ABCC4: variants seen among roughly 807,000 people sequenced by gnomAD.
The protein encoded by ABCC4 is ATP binding cassette subfamily C member 4 (PEL blood group), also known as ATP-binding cassette sub-family C member 4.
Under a neutral mutation model 168.5 loss-of-function variants are expected in ABCC4, and 102 were observed. The observed-to-expected ratio is 0.61, with a 90% CI of 0.52 to 0.71. The LOEUF is 0.71. Ranked by LOEUF, ABCC4 falls within the 30% of genes least tolerant of loss-of-function variation. The pLI is 0.00. For missense variants in ABCC4, 1,402 were observed against 1,605.8 expected, an observed-to-expected ratio of 0.87 and a Z score of 2.17; for synonymous variants, 617 against 590.7, an observed-to-expected ratio of 1.04 and a Z score of -0.65.
chr13:95,170,757 A>C (rs756461682), intron 13 of ABCC4, 129 bp from the exon 14 acceptor site: 10 of 545,450 alleles, frequency 1.8e-5, no homozygotes, highest in Non-Finnish European at 2.8e-5. Flanking sequence ...ATACAAACTA[A>C]ATACAAATAT....
chr13:95,082,418 G>C (rs990329756), intron 21 of ABCC4, among the ~76,000 whole-genome samples: 1 of 152,126 alleles, frequency 6.6e-6, no homozygotes, highest in Admixed American at 6.6e-5. Context: ...AAATTGAAGA[G>C]AGCAACAGAC....
chr13:95,226,880 G>A (rs1411724273), intron 4 of ABCC4, among the ~76,000 whole-genome samples: 3 of 152,190 alleles, frequency 2.0e-5, no homozygotes, highest in East Asian at 3.8e-4. Flanking sequence ...CAACCCATAT[G>A]CTATCTCTGT....
intron 20 of ABCC4, among the ~76,000 whole-genome samples, chr13:95,114,545 G>T (rs2035308061): frequency 1.3e-5 from 2 of 151,982 alleles, no homozygotes; most frequent in Non-Finnish European, 2.9e-5. Context: ...CTAAACCCAG[G>T]AGGGCACATT....
chr13:95,062,005 GA>G (rs1421168716), intron 26 of ABCC4, among the ~76,000 whole-genome samples: 3 of 152,146 alleles, frequency 2.0e-5, no homozygotes, highest in Non-Finnish European at 4.4e-5. Context: ...AAAGAAAATA[GA>G]ATCAGAGTCC....
chr13:95,075,095 C>A (rs1189468), intron 22 of ABCC4: 128,099 of 236,638 alleles, frequency 0.54, 36,766 homozygotes, highest in South Asian at 0.73. Flanking sequence ...AAAGGTGATT[C>A]ATCACAACAG....
At chr13:95,022,372 T>C (rs1011020014) in intron 30 of ABCC4, among the ~76,000 whole-genome samples, 2 of 152,186 alleles carry the variant, frequency 1.3e-5, no homozygotes, top group African/African-American at 4.8e-5. Context: ...AATTTCTAGC[T>C]GAACTAGAAG....
chr13:95,021,603 G>T lies in ABCC4; in HGVS notation c.3950C>A (p.Thr1317Asn). The change falls in exon 31 of 31, where the codon ACC becomes AAC. Residue 1317 changes from threonine to asparagine, a missense_variant. By Grantham distance (65) the Thr-to-Asn change is moderately conservative. This residue lies in a region of ABCC4 where 1,007 missense variants were observed against 1,127.3 expected (regional missense o/e 0.89). Transcript: ENST00000645237. ...VTNTSNGQPS[T>N]LTIFETAL ...CAGTGCTGTCTCGAAAATAGTTAAG[G>T]TCGAGGGCTGTCCATTGGAAGTGTT... 6.2e-7 allele frequency: 1 copy of T among 1,612,652 alleles called. No homozygotes were observed. The highest frequency in any genetic ancestry group is 8.5e-7 in the Non-Finnish European group (1 of 1,178,716).
chr13:95,037,812 A>T (rs1484945643), intron 29 of ABCC4, among the ~76,000 whole-genome samples: 2 of 152,090 alleles, frequency 1.3e-5, no homozygotes, highest in Non-Finnish European at 2.9e-5. Flanking sequence ...TACACCCAGG[A>T]CTCAAAATTA....
At chr13:95,033,052 C>T (rs1157806950) in intron 30 of ABCC4, among the ~76,000 whole-genome samples, 2 of 149,768 alleles carry the variant, frequency 1.3e-5, no homozygotes, top group African/African-American at 2.5e-5. Context: ...TCACTGCAAC[C>T]TCCACCTCCC....
Position 95,167,218 on chromosome 13 carries a change from A to ATAAT in ABCC4, c.1825-855_1825-852dup, listed in dbSNP as rs1223403835. Among the ~76,000 whole-genome samples, 15 of 150,260 alleles carry ATAAT rather than the reference A, an allele frequency of 1.0e-4. No individual in the cohort carries two copies. The South Asian group carries it at 2.3e-3, about 23-fold the overall frequency. ...AATAAATAAATAAATAAATAAATAA[A>ATAAT]TAATTGCCCCAAAGACTCAGGGAGT... On this transcript the variant is annotated intron_variant, in intron 14 of 30. Transcript: ENST00000645237.
chr13:95,082,626 T>C (rs1418101349), intron 21 of ABCC4, among the ~76,000 whole-genome samples: 1 of 152,220 alleles, frequency 6.6e-6, no homozygotes, highest in Non-Finnish European at 1.5e-5. Flanking sequence ...CTAGCCATTT[T>C]GTGAGTTTGC....
chr13:95,077,488 C>G (rs891008937), intron 21 of ABCC4, among the ~76,000 whole-genome samples: 1 of 152,078 alleles, frequency 6.6e-6, no homozygotes, highest in Non-Finnish European at 1.5e-5. Flanking sequence ...ACAGGTGTGC[C>G]ACCACACTCA....
At chr13:95,023,162 T>A (rs1315729603) in intron 30 of ABCC4, among the ~76,000 whole-genome samples, 1 of 152,208 alleles carries the variant, frequency 6.6e-6, no homozygotes, top group Admixed American at 6.5e-5. Flanking sequence ...TTCTACTGCT[T>A]GATAGCCTTC....
chr13:95,272,436 C>T (rs1310969837), intron 1 of ABCC4, among the ~76,000 whole-genome samples: 1 of 152,150 alleles, frequency 6.6e-6, no homozygotes, highest in Non-Finnish European at 1.5e-5. Flanking sequence ...AAACCTTTCA[C>T]AGACAGAGAA....
intron 19 of ABCC4, among the ~76,000 whole-genome samples, chr13:95,116,299 C>A (rs1380647051): frequency 6.6e-6 from 1 of 152,032 alleles, no homozygotes; most frequent in Non-Finnish European, 1.5e-5. Context: ...TAGAATGTTC[C>A]CTCCTTTTAA....
intron 20 of ABCC4, among the ~76,000 whole-genome samples, chr13:95,110,450 A>T (rs1186143197): frequency 1.3e-5 from 2 of 152,188 alleles, no homozygotes; most frequent in East Asian, 3.8e-4. Context: ...TATAGTCACA[A>T]AACACCATAT....
At chr13:95,250,029 CA>C (rs1566568697) in intron 1 of ABCC4, among the ~76,000 whole-genome samples, 2 of 152,182 alleles carry the variant, frequency 1.3e-5, no homozygotes, top group African/African-American at 4.8e-5. Context: ...GCCCAGATCT[CA>C]AAAAGCTGGG....
chr13:95,156,327 C>T (rs184980966), intron 19 of ABCC4, among the ~76,000 whole-genome samples: 1 of 152,194 alleles, frequency 6.6e-6, no homozygotes, highest in Non-Finnish European at 1.5e-5. Context: ...TCCAAGAAAG[C>T]TTTAAATTAA....
intron 1 of ABCC4, among the ~76,000 whole-genome samples, chr13:95,250,762 T>C (rs2040233551): frequency 4.5e-5 from 1 of 22,028 alleles, no homozygotes; most frequent in African/African-American, 1.5e-4. Context: ...GGTTTCTTTT[T>C]TTTTTTTTTT....
Sources: gnomAD v4.1 joint callset for allele counts (sites outside exome capture counted in the v4.1 genomes callset) on GRCh38, gnomAD v4.1.1 for gene constraint, gnomAD v4.1.1 regional missense constraint, MANE v1.5 for transcripts, NCBI Gene and HGNC (gene_info 2026-07-23, HGNC 2026-07-21) for gene names.